The following RNF43 variants were observed in gnomAD, a reference collection of about 807,000 sequenced individuals.
RNF43 encodes the protein ring finger protein 43.
Under a neutral mutation model 78.4 loss-of-function variants are expected in RNF43, and 37 were observed. The ratio of observed to expected loss-of-function variants is 0.47; its 90% confidence interval spans 0.36 to 0.62. The LOEUF (loss-of-function observed/expected upper bound fraction) is 0.62, where lower values mean the gene tolerates loss of function less well. Among genes scored for constraint, RNF43 ranks in the 20% least tolerant of loss-of-function variants. The pLI is 0.00. For missense variants in RNF43, 774 were observed against 1,007.9 expected (o/e 0.77, Z 3.14); for synonymous variants, 347 against 395.0 (o/e 0.88, Z 1.44).
chr17:58,379,942 G>A (rs1016616790), intron 2 of RNF43, among the ~76,000 whole-genome samples: 8 of 152,214 alleles, frequency 5.3e-5, no homozygotes, highest in Admixed American at 5.2e-4. Flanking sequence ...TACTCATGAA[G>A]TTAGAAGCAA....
intron 2 of RNF43, among the ~76,000 whole-genome samples, chr17:58,409,185 G>GATCT (rs1409839056): frequency 6.6e-6 from 1 of 152,112 alleles, no homozygotes; most frequent in Non-Finnish European, 1.5e-5. Context: ...GTTCTTAGAT[G>GATCT]ATTTACTTTC....
intron 2 of RNF43, among the ~76,000 whole-genome samples, chr17:58,376,473 A>T (rs905088914): frequency 6.6e-6 from 1 of 152,228 alleles, no homozygotes; most frequent in Non-Finnish European, 1.5e-5. Flanking sequence ...ACTCTTTTAC[A>T]ATGAGAGCTT....
intron 2 of RNF43, among the ~76,000 whole-genome samples, chr17:58,392,339 T>C (rs1174497639): frequency 2.0e-5 from 3 of 152,180 alleles, no homozygotes; most frequent in African/African-American, 7.2e-5. Flanking sequence ...ATATTAATCA[T>C]GAGATATAAT....
At chr17:58,402,418 T>C (rs963132797) in intron 2 of RNF43, among the ~76,000 whole-genome samples, 4 of 152,210 alleles carry the variant, frequency 2.6e-5, no homozygotes, top group African/African-American at 9.7e-5. Flanking sequence ...CTGCCTAAAT[T>C]TGCCCTATCC....
At chr17:58,401,519 T>C (rs1973800185) in intron 2 of RNF43, among the ~76,000 whole-genome samples, 1 of 152,210 alleles carries the variant, frequency 6.6e-6, no homozygotes, top group African/African-American at 2.4e-5. Context: ...ATGGTAGAAG[T>C]ATGGAATCTT....
intron 2 of RNF43, among the ~76,000 whole-genome samples, chr17:58,382,193 G>C (rs189872732): frequency 6.6e-6 from 1 of 152,286 alleles, no homozygotes; most frequent in Non-Finnish European, 1.5e-5. Context: ...CAGAATGCCT[G>C]ATTCTTAGTG....
chr17:58,355,093 A>G, intron 9 of RNF43, 107 bp from the exon 10 acceptor site: 1 of 993,472 alleles, frequency 1.0e-6, no homozygotes, highest in East Asian at 2.4e-5. Flanking sequence ...AGGGAGGGAG[A>G]AGCAGAGACT....
At position 58,357,068 on chromosome 17, in the gene RNF43, A is replaced by G. The variant is rs566621164; in HGVS notation, c.2308+400T>C. The G allele has an allele frequency of 1.6e-6, 1 of 607,016 alleles. No individual in the cohort carries two copies. The highest frequency in any genetic ancestry group is 2.8e-5 in the Admixed American group (1 of 35,666). 37.6% of individuals were successfully genotyped at this position (607,016 alleles called of 1,614,324 possible). A position where few individuals can be genotyped will look rare whatever the true frequency, so the allele number is the denominator to read the frequency against. On this transcript the variant is annotated intron_variant, in intron 9 of 9. Transcript: ENST00000407977. This position sits in a 1 kb window ranked among gnomAD's most constrained non-coding sequence, Gnocchi z 4.5. ...GCCACCATACCCGGCTAATTTTTGT[A>G]TTTTTAGTAGAGATAGGGTTTCACC...
At chr17:58,385,878 G>C (rs894996092) in intron 2 of RNF43, among the ~76,000 whole-genome samples, 1 of 152,094 alleles carries the variant, frequency 6.6e-6, no homozygotes, top group Non-Finnish European at 1.5e-5. Flanking sequence ...AGGCCAAAAT[G>C]GGTGAATTAC....
In RNF43 at chr17:58,395,679, G is replaced by C. The variant is rs532372188; in HGVS notation, c.252+19647C>G. 6.2e-4 allele frequency among the ~76,000 whole-genome samples: 95 copies of C among 152,280 alleles called. 1 individual carries two copies. Among genetic ancestry groups the C allele is most frequent in the African/African-American group, 2.2e-3 (91 of 41,558 alleles). ...GACTTGTTTTGCAGCTTGACAAAAA[G>C]AAAGGTGGTTTCTCTAGCTAAAAGT... On this transcript the variant is annotated intron_variant, in intron 2 of 9. Transcript: ENST00000407977.
rs118091031 is a variant in RNF43, at chr17:58,401,858, C to T, written c.252+13468G>A. 3.3e-5 allele frequency among the ~76,000 whole-genome samples: 5 copies of T among 151,360 alleles called. No individual in the cohort carries two copies. In the East Asian group the frequency reaches 9.7e-4, roughly 29 times the overall value. On this transcript the variant is annotated intron_variant, in intron 2 of 9. Coordinates refer to ENST00000407977, the MANE Select transcript of RNF43 (RefSeq NM_017763.6). ...AAAAAAACCTATAATCTAATACCTG[C>T]ATAGGAGTAACACAGACAAGTTAGC...
intron 2 of RNF43, among the ~76,000 whole-genome samples, chr17:58,402,019 C>T (rs1483680556): frequency 6.6e-6 from 1 of 152,164 alleles, no homozygotes; most frequent in African/African-American, 2.4e-5. Flanking sequence ...GACGGTCTTT[C>T]TCTAAAAAAC....
chr17:58,414,910 T>C (rs1191643484), intron 2 of RNF43, among the ~76,000 whole-genome samples: 3 of 152,178 alleles, frequency 2.0e-5, no homozygotes, highest in Non-Finnish European at 4.4e-5. Flanking sequence ...ATTCCAGAAT[T>C]TCAGGTGCTG....
Position 58,358,527 on chromosome 17 carries a change from C to G in RNF43, c.1249G>C (p.Gly417Arg), listed in dbSNP as rs1972754430. Residue 417 changes from glycine to arginine, a missense_variant, in exon 9 of 10, where the codon GGA (glycine) becomes CGA (arginine). Physicochemically the swap from Gly to Arg is moderately radical, Grantham distance 125 (BLOSUM62 -2). Transcript: ENST00000407977. The surrounding 1 kb of genome is among the most constrained non-coding windows in gnomAD (Gnocchi z 6.2). ...GAQHPYAQGW[G>R]LSHLQSTSQH... is the part of the protein sequence containing the mutation. ...GAGGTGGATTGGAGGTGGCTCAGTC[C>G]CCAGCCTTGTGCATAGGGGTGCTGG... is the stretch of plus-strand genomic sequence containing the variant. The G allele has an allele frequency of 1.2e-6, 2 of 1,613,214 alleles. No homozygotes were observed. Among genetic ancestry groups the G allele is most frequent in the Middle Eastern group, 1.6e-4 (1 of 6,082 alleles).
intron 2 of RNF43, among the ~76,000 whole-genome samples, chr17:58,383,175 A>G (rs908284375): frequency 7.9e-5 from 12 of 152,214 alleles, no homozygotes; most frequent in African/African-American, 2.9e-4. Flanking sequence ...ATAATATTCC[A>G]TATTTTTTCT....
At chr17:58,368,103 GC>G (rs1972994455) in intron 3 of RNF43, among the ~76,000 whole-genome samples, 1 of 152,228 alleles carries the variant, frequency 6.6e-6, no homozygotes, top group Non-Finnish European at 1.5e-5. Context: ...TGGCTTGAGA[GC>G]CCCAGCTCTG....
At position 58,360,261 on chromosome 17, in the gene RNF43, A is replaced by T. The variant is rs2143440854; in HGVS notation, c.850-10T>A. On this transcript the variant is annotated splice_polypyrimidine_tract_variant and intron_variant, in intron 7 of 9. Transcript: ENST00000407977. This position sits in a 1 kb window ranked among gnomAD's most constrained non-coding sequence, Gnocchi z 4.3. ...AAATGACCCGTAGCTCCTGGAGAAAAAGAGGGGGTCCAAACCAAAGGCTTC... is the reference window on the plus strand; with the variant it reads ...AAATGACCCGTAGCTCCTGGAGAAATAGAGGGGGTCCAAACCAAAGGCTTC... 2 of 1,609,122 alleles carry T rather than the reference A, an allele frequency of 1.2e-6. No homozygotes were observed. The highest frequency in any genetic ancestry group is 3.3e-5 in the Admixed American group (2 of 60,002).
intron 2 of RNF43, among the ~76,000 whole-genome samples, chr17:58,399,268 T>TTTTTTGTG (rs879478898): frequency 5.2e-4 from 79 of 152,284 alleles, no homozygotes; most frequent in Non-Finnish European, 7.4e-4. Context: ...TGAACACAGA[T>TTTTTTGTG]TTTTTTATAC....
At chr17:58,412,018 C>T (rs1453335633) in intron 2 of RNF43, among the ~76,000 whole-genome samples, 1 of 152,104 alleles carries the variant, frequency 6.6e-6, no homozygotes, top group Non-Finnish European at 1.5e-5. Flanking sequence ...TTATCAGTCA[C>T]CGCCAGGTAA....
Sources: allele counts gnomAD v4.1 joint callset (sites outside exome capture counted in the v4.1 genomes callset), GRCh38; gene constraint gnomAD v4.1.1; non-coding constraint Gnocchi (gnomAD v3.1); transcripts MANE v1.5; gene names NCBI Gene and HGNC (gene_info 2026-07-23, HGNC 2026-07-21).